LRBA: variants seen among roughly 807,000 people sequenced by gnomAD.
LRBA encodes LPS responsive beige-like anchor protein.
Under a neutral mutation model 330.0 loss-of-function variants are expected in LRBA, and 176 were observed. The ratio of observed to expected loss-of-function variants is 0.53; its 90% CI spans 0.47 to 0.60. The LOEUF is 0.60. Ranked by LOEUF, LRBA falls within the 20% of genes least tolerant of loss-of-function variation. The pLI is 0.00. For synonymous variants in LRBA, 1,230 were observed against 1,193.0 expected, an observed-to-expected ratio of 1.03 and a Z score of -0.64; for missense variants, 3,259 against 3,444.8, an observed-to-expected ratio of 0.95 and a Z score of 1.35.
At chr4:150,981,962 C>CA (rs57550785) in intron 2 of LRBA, among the ~76,000 whole-genome samples, 839 of 63,596 alleles carry the variant, frequency 0.013, 5 homozygotes, top group African/African-American at 0.018. Flanking sequence ...GACTCCATCT[C>CA]AAAAAAAAAA....
chr4:150,886,616 G>T (rs1259900638), intron 17 of LRBA, among the ~76,000 whole-genome samples: 1 of 152,102 alleles, frequency 6.6e-6, no homozygotes, highest in African/African-American at 2.4e-5. Flanking sequence ...CCCAAAGTAG[G>T]GTAAGAGAGG....
intron 48 of LRBA, among the ~76,000 whole-genome samples, chr4:150,346,190 T>C (rs1736273529): frequency 6.6e-6 from 1 of 152,176 alleles, no homozygotes; most frequent in African/African-American, 2.4e-5. Context: ...CAAAGCGATA[T>C]ATTCTCATTT....
chr4:150,474,772 C>T (rs989178464), intron 42 of LRBA, among the ~76,000 whole-genome samples: 3 of 152,250 alleles, frequency 2.0e-5, no homozygotes, highest in African/African-American at 7.2e-5. Context: ...TTTCTCCCTT[C>T]CTTCCTCTCT....
At chr4:150,450,120 T>C (rs1166135420) in intron 44 of LRBA, among the ~76,000 whole-genome samples, 1 of 152,038 alleles carries the variant, frequency 6.6e-6, no homozygotes, top group African/African-American at 2.4e-5. Flanking sequence ...ATAATCAAAA[T>C]AATGCCCTCC....
rs1010602164 is a variant in LRBA, at chr4:150,349,922, G to A, written c.7362+70C>T. The stretch of plus-strand genomic sequence containing the variant: ...ATCACTAAAATCAAAGGATGGGGGA[G>A]GTGTTCTCTAGCTCCTTCTAGTTTA... On this transcript the variant is annotated intron_variant, in intron 48 of 56. Coordinates refer to ENST00000651943, the MANE Select transcript of LRBA (RefSeq NM_001364905.1). 8 of 1,316,750 alleles carry A rather than the reference G, an allele frequency of 6.1e-6. No individual in the cohort carries two copies. The African/African-American group carries it at 1.2e-4, about 19-fold the overall frequency. 81.6% of individuals were successfully genotyped at this position (1,316,750 alleles called of 1,614,324 possible).
intron 16 of LRBA, among the ~76,000 whole-genome samples, chr4:150,893,617 T>G (rs1321873892): frequency 6.6e-6 from 1 of 152,218 alleles, no homozygotes; most frequent in Non-Finnish European, 1.5e-5. Flanking sequence ...CCCAAAGTGC[T>G]GGGATTACAA....
intron 35 of LRBA, among the ~76,000 whole-genome samples, chr4:150,740,414 G>GA (rs375777790): frequency 1.2e-4 from 18 of 152,022 alleles, no homozygotes; most frequent in African/African-American, 3.9e-4. Context: ...TTGAAATACT[G>GA]AAAAAATCCA....
intron 46 of LRBA, among the ~76,000 whole-genome samples, chr4:150,435,203 T>C (rs1034356811): frequency 1.3e-5 from 2 of 151,624 alleles, no homozygotes; most frequent in African/African-American, 4.8e-5. Flanking sequence ...ACAAAAAAAC[T>C]AGCCAGGCGT....
chr4:150,270,053 C>A (rs150574484), intron 56 of LRBA, among the ~76,000 whole-genome samples: 1 of 152,140 alleles, frequency 6.6e-6, no homozygotes, highest in Non-Finnish European at 1.5e-5. Flanking sequence ...TGAGAGACCA[C>A]GCCTGTTAGG....
chr4:150,912,631 A>G (rs1732140877), intron 9 of LRBA, among the ~76,000 whole-genome samples: 1 of 152,208 alleles, frequency 6.6e-6, no homozygotes, highest in Non-Finnish European at 1.5e-5. Flanking sequence ...CCCGTGGTCC[A>G]TGGAAAAACT....
chr4:150,843,039 A>G (rs1414026664), intron 28 of LRBA, among the ~76,000 whole-genome samples: 6 of 152,152 alleles, frequency 3.9e-5, no homozygotes, highest in Non-Finnish European at 8.8e-5. Context: ...TGCTCCTATG[A>G]GAGTCTAATG....
At chr4:150,936,894 T>C (rs1735132232) in intron 2 of LRBA, among the ~76,000 whole-genome samples, 2 of 152,080 alleles carry the variant, frequency 1.3e-5, no homozygotes, top group Admixed American at 6.6e-5. Flanking sequence ...AACAATTACA[T>C]ATCCTCCATG....
chr4:150,806,164 G>C (rs1742763130), intron 33 of LRBA, 107 bp downstream of exon 33: 1 of 796,198 alleles, frequency 1.3e-6, no homozygotes, highest in Non-Finnish European at 1.9e-6. Flanking sequence ...CCTTGTCAAA[G>C]GCTGACAACA....
intron 47 of LRBA, among the ~76,000 whole-genome samples, chr4:150,396,697 A>T (rs1744785732): frequency 1.3e-5 from 2 of 152,204 alleles, no homozygotes; most frequent in African/African-American, 4.8e-5. Flanking sequence ...TTAGAGATTG[A>T]TGAAAAATGT....
intron 37 of LRBA, among the ~76,000 whole-genome samples, chr4:150,674,127 G>T (rs1016902878): frequency 4.6e-5 from 7 of 151,538 alleles, no homozygotes; most frequent in African/African-American, 1.7e-4. Flanking sequence ...TTATATATTG[G>T]GGTTCTAACT....
At chr4:150,849,715 G>T in intron 24 of LRBA, 140 bp from the exon 25 acceptor site, 1 of 655,700 alleles carries the variant, frequency 1.5e-6, no homozygotes. Flanking sequence ...GGCATTTGGA[G>T]GGTGTATACT....
chr4:150,737,244 AT>A (rs1420650394), intron 35 of LRBA, among the ~76,000 whole-genome samples: 1 of 152,016 alleles, frequency 6.6e-6, no homozygotes, highest in African/African-American at 2.4e-5. Context: ...CCACCTAAGA[AT>A]TCTATCCTCT....
At position 150,941,711 on chromosome 4, in the gene LRBA, A is replaced by G. The variant is rs935485351; in HGVS notation, c.217-12646T>C. On this transcript the variant is annotated intron_variant, in intron 2 of 56. Coordinates refer to ENST00000651943, the MANE Select transcript of LRBA (RefSeq NM_001364905.1). ...AGACCAGCCTGGCCAACATGGGGGA[A>G]CCCCGTCTCTAATAAAAATACAAAA... is the stretch of plus-strand genomic sequence containing the variant. Among the ~76,000 whole-genome samples, 3 of 151,880 alleles carry G rather than the reference A, an allele frequency of 2.0e-5. No individual in the cohort carries two copies. The East Asian group carries it at 5.9e-4, about 30-fold the overall frequency.
Position 150,773,320 on chromosome 4 carries a change from T to C in LRBA, c.5581-11473A>G, listed in dbSNP as rs1394038555. Reference sequence around the variant, plus strand: ...AGCAGTTAAGGGACACTGCTAGCCTTGCTAGCTGAAAGAAAACGACTTCTA... The same window carrying C: ...AGCAGTTAAGGGACACTGCTAGCCTCGCTAGCTGAAAGAAAACGACTTCTA... On this transcript the variant is annotated intron_variant, in intron 34 of 56. Coordinates refer to ENST00000651943, the MANE Select transcript of LRBA (RefSeq NM_001364905.1). 2.0e-5 allele frequency among the ~76,000 whole-genome samples: 3 copies of C among 152,296 alleles called. No individual in the cohort carries two copies. In the East Asian group the frequency reaches 5.8e-4, roughly 29 times the overall value.
Sources: allele counts gnomAD v4.1 joint callset (sites outside exome capture counted in the v4.1 genomes callset), GRCh38; gene constraint gnomAD v4.1.1; transcripts MANE v1.5; gene names NCBI Gene and HGNC (gene_info 2026-07-23, HGNC 2026-07-21).